The following ULK4 variants were observed in gnomAD, a reference collection of about 807,000 sequenced individuals.
The protein encoded by ULK4 is unc-51 like kinase 4.
Under a neutral mutation model 160.6 loss-of-function variants are expected in ULK4, and 133 were observed. The ratio of observed to expected loss-of-function variants is 0.83; its 90% CI spans 0.72 to 0.96. The LOEUF (loss-of-function observed/expected upper bound fraction) is 0.96. Among genes scored for constraint, ULK4 ranks in the 40% least tolerant of loss-of-function variants. The pLI, the probability that ULK4 is intolerant of heterozygous loss-of-function variation, is 0.00. For synonymous variants in ULK4, 534 were observed against 539.8 expected (o/e 0.99, Z 0.15); for missense variants, 1,580 against 1,499.5 (o/e 1.05, Z -0.89).
chr3:41,556,790 A>G (rs1236947531), intron 32 of ULK4, among the ~76,000 whole-genome samples: 1 of 152,092 alleles, frequency 6.6e-6, no homozygotes, highest in Non-Finnish European at 1.5e-5. Context: ...CCCGGCCCAA[A>G]CTTTTAAGGA....
intron 30 of ULK4, among the ~76,000 whole-genome samples, chr3:41,661,521 TAG>T (rs2035165021): frequency 6.6e-6 from 1 of 150,488 alleles, no homozygotes; most frequent in Non-Finnish European, 1.5e-5. Context: ...GATAGATAGA[TAG>T]ATAGATAAAT....
chr3:41,667,470 C>T (rs1433504398), intron 29 of ULK4, among the ~76,000 whole-genome samples: 4 of 152,132 alleles, frequency 2.6e-5, no homozygotes, highest in South Asian at 2.1e-4. Context: ...TTATTAAGCT[C>T]GTCTTTGAAA....
rs536494881 is a variant in ULK4 at position 41,271,385 on chromosome 3, CA to C, written c.3679-21812del. 2.9e-3 allele frequency among the ~76,000 whole-genome samples: 427 copies of C among 147,582 alleles called. 3 individuals are homozygous for C. Among genetic ancestry groups the C allele is most frequent in the African/African-American group, 0.01 (408 of 38,910 alleles). On this transcript the variant is annotated intron_variant, in intron 35 of 36. Transcript: ENST00000301831. ...GATTTATCCATATTATAGCATGTATCAATAGTTCTTTTTTTTTTTTTTTTGA... is the reference window on the plus strand; with the variant it reads ...GATTTATCCATATTATAGCATGTATCATAGTTCTTTTTTTTTTTTTTTTGA...
chr3:41,742,214 A>G (rs2038264535), intron 22 of ULK4, among the ~76,000 whole-genome samples: 1 of 151,982 alleles, frequency 6.6e-6, no homozygotes, highest in Non-Finnish European at 1.5e-5. Context: ...GTACAGGCAA[A>G]GCAGAATAGG....
At chr3:41,899,552 G>C (rs1419539164) in intron 13 of ULK4, among the ~76,000 whole-genome samples, 1 of 152,212 alleles carries the variant, frequency 6.6e-6, no homozygotes, top group Admixed American at 6.5e-5. Flanking sequence ...AGACGGCTTT[G>C]AAAGTGGCCC....
At chr3:41,340,599 T>A (rs1360039523) in intron 35 of ULK4, among the ~76,000 whole-genome samples, 1 of 152,258 alleles carries the variant, frequency 6.6e-6, no homozygotes, top group African/African-American at 2.4e-5. Context: ...TTGATAAAAA[T>A]TAAAATCCAG....
intron 18 of ULK4, among the ~76,000 whole-genome samples, chr3:41,824,272 A>G (rs2041259250): frequency 6.6e-6 from 1 of 151,734 alleles, no homozygotes; most frequent in African/African-American, 2.4e-5. Flanking sequence ...TGCATTTCCA[A>G]CTGAGGTACC....
chr3:41,370,209 G>C (rs1432270885), intron 35 of ULK4, among the ~76,000 whole-genome samples: 2 of 151,794 alleles, frequency 1.3e-5, no homozygotes, highest in Non-Finnish European at 2.9e-5. Flanking sequence ...AAAAAAAAAA[G>C]CAAGTGGCAT....
At chr3:41,325,131 T>C (rs888877936) in intron 35 of ULK4, among the ~76,000 whole-genome samples, 1 of 152,172 alleles carries the variant, frequency 6.6e-6, no homozygotes, top group Admixed American at 6.5e-5. Flanking sequence ...GATATGTTTT[T>C]CATTAAAGTA....
At chr3:41,636,355 C>A (rs1477558246) in intron 30 of ULK4, among the ~76,000 whole-genome samples, 1 of 151,888 alleles carries the variant, frequency 6.6e-6, no homozygotes, top group Non-Finnish European at 1.5e-5. Context: ...GACAATATGG[C>A]AAAACCTCAT....
intron 17 of ULK4, among the ~76,000 whole-genome samples, chr3:41,858,722 C>G (rs2042430313): frequency 6.8e-6 from 1 of 147,632 alleles, no homozygotes; most frequent in African/African-American, 2.6e-5. Flanking sequence ...CCAGGATGGT[C>G]TGGAACTCCT....
At position 41,252,270 on chromosome 3, in the gene ULK4, G is replaced by C. The variant is rs1042182973; in HGVS notation, c.3679-2696C>G. 2.0e-5 allele frequency among the ~76,000 whole-genome samples: 3 copies of C among 152,080 alleles called. No individual in the cohort carries two copies. In the South Asian group the frequency reaches 6.2e-4, roughly 31 times the overall value. ...TGGCAAAAGCAACCATAAAATCTCA[G>C]CTGACATGAAAAAAGACAATCAACA... On this transcript the variant is annotated intron_variant, in intron 35 of 36. Transcript: ENST00000301831.
At chr3:41,700,037 T>C (rs1183511496) in intron 27 of ULK4, among the ~76,000 whole-genome samples, 1 of 152,194 alleles carries the variant, frequency 6.6e-6, no homozygotes, top group South Asian at 2.1e-4. Context: ...GCAAGTCATA[T>C]CTTATTTGAT....
intron 35 of ULK4, among the ~76,000 whole-genome samples, chr3:41,305,981 C>A (rs1309743961): frequency 6.9e-6 from 1 of 145,068 alleles, no homozygotes; most frequent in African/African-American, 2.8e-5. Context: ...ACCCTCTGCC[C>A]GGCAACCGCC....
intron 35 of ULK4, among the ~76,000 whole-genome samples, chr3:41,280,648 C>T (rs2079333634): frequency 6.6e-6 from 1 of 152,216 alleles, no homozygotes; most frequent in Admixed American, 6.5e-5. Context: ...CTCTGGGACA[C>T]ATTTAAAGCA....
At chr3:41,313,755 G>A (rs993640172) in intron 35 of ULK4, among the ~76,000 whole-genome samples, 3 of 152,120 alleles carry the variant, frequency 2.0e-5, no homozygotes, top group Admixed American at 2.0e-4. Context: ...ATACCTGGAA[G>A]TTCCTTTACA....
intron 27 of ULK4, among the ~76,000 whole-genome samples, chr3:41,687,078 T>TA (rs1419894306): frequency 5.3e-5 from 8 of 151,886 alleles, no homozygotes; most frequent in African/African-American, 1.9e-4. Context: ...AGACTCTGTC[T>TA]AAAAAAATTA....
intron 35 of ULK4, among the ~76,000 whole-genome samples, chr3:41,388,535 T>C (rs148893506): frequency 0.025 from 3,793 of 152,174 alleles, 193 homozygotes; most frequent in African/African-American, 0.082. Context: ...TTAATCCATC[T>C]TGAATTAATT....
At chr3:41,698,712 T>A (rs1000261353) in intron 27 of ULK4, among the ~76,000 whole-genome samples, 4 of 152,166 alleles carry the variant, frequency 2.6e-5, no homozygotes, top group African/African-American at 9.7e-5. Flanking sequence ...GATGTACTTA[T>A]CCTAAGTATA....
Sources: allele counts gnomAD v4.1 joint callset (sites outside exome capture counted in the v4.1 genomes callset), GRCh38; gene constraint gnomAD v4.1.1; transcripts MANE v1.5; gene names NCBI Gene and HGNC (gene_info 2026-07-23, HGNC 2026-07-21).